ASAH2: variants seen among roughly 807,000 people sequenced by gnomAD.
ASAH2 encodes neutral ceramidase.
Under a neutral mutation model 82.9 loss-of-function variants are expected in ASAH2, and 58 were observed. The observed-to-expected ratio is 0.70, with a 90% CI of 0.57 to 0.87. The LOEUF (loss-of-function observed/expected upper bound fraction) is 0.87, where lower values mean the gene tolerates loss of function less well. ASAH2 is among the 40% of genes least tolerant of loss of function. ASAH2 has a pLI of 0.00. For synonymous variants in ASAH2, 276 were observed against 289.7 expected, an observed-to-expected ratio of 0.95 and a Z score of 0.48; for missense variants, 779 against 834.0, an observed-to-expected ratio of 0.93 and a Z score of 0.81.
At chr10:50,210,748 A>T (rs1845431044) in intron 12 of ASAH2, 75 bp downstream of exon 12, 1 of 1,249,248 alleles carries the variant, frequency 8.0e-7, no homozygotes, top group East Asian at 2.3e-5. Context: ...ATTGGCTACA[A>T]TGAAACCTGA....
chr10:50,211,221 A>G (rs1845446877), intron 10 of ASAH2, 87 bp from the exon 11 acceptor site: 5 of 1,010,478 alleles, frequency 4.9e-6, no homozygotes, highest in Non-Finnish European at 7.8e-6. Context: ...ATTTGATGCA[A>G]TTTGGAAATG....
At chr10:50,197,521 A>G (rs1489531163) in intron 17 of ASAH2, among the ~76,000 whole-genome samples, 1 of 151,998 alleles carries the variant, frequency 6.6e-6, no homozygotes, top group Non-Finnish European at 1.5e-5. Flanking sequence ...AGGTTGGTAC[A>G]AAAGTAATTG....
chr10:50,225,426 A>G (rs1845852735), intron 7 of ASAH2, among the ~76,000 whole-genome samples: 1 of 152,166 alleles, frequency 6.6e-6, no homozygotes, highest in African/African-American at 2.4e-5. Flanking sequence ...AAACAATAAA[A>G]ATTAAAAAAT....
intron 7 of ASAH2, among the ~76,000 whole-genome samples, chr10:50,227,282 CA>C (rs1439591316): frequency 6.6e-6 from 1 of 151,308 alleles, no homozygotes. Context: ...GACTTTAAGA[CA>C]AAAAAAACAC....
chr10:50,199,065 T>C lies in ASAH2; in HGVS notation c.1843A>G (p.Lys615Glu), dbSNP rs1294450537. The change falls in exon 17 of 21, where the codon AAG (lysine) becomes GAG (glutamate). Residue 615 changes from lysine to glutamate, a missense_variant. Lys to Glu is a moderately conservative substitution (Grantham distance 56). Transcript: ENST00000682911. ...TATTTGATTACCGTAGCAATAGCCT[T>C]AGCAAGGTTTCTGAAGAGCTGAATG... ...AYIQLFRNLA[K>E]AIATDTVANL... 21 of 1,613,150 alleles carry C rather than the reference T, an allele frequency of 1.3e-5. No individual in the cohort carries two copies. In the African/African-American group the frequency reaches 1.7e-4, roughly 13 times the overall value.
chr10:50,206,055 T>C lies in ASAH2; in HGVS notation c.1457A>G (p.Gln486Arg), dbSNP rs1845285718. The C allele has an allele frequency of 2.5e-6, 4 of 1,612,710 alleles. No homozygotes were observed. Among genetic ancestry groups the C allele is most frequent in the Non-Finnish European group, 3.4e-6 (4 of 1,178,912 alleles). Residue 486 changes from glutamine (Q) to arginine (R), a missense_variant, in exon 13 of 21, where the codon CAG (glutamine) becomes CGG (arginine). By Grantham distance (43) the Gln-to-Arg change is conservative. Coordinates refer to ENST00000682911, the MANE Select transcript of ASAH2 (RefSeq NM_019893.4). ...TTCTTCAGATGGCTTTCCCAGGATCTGGTCCCGAATGGTGTCCCAAAATGG... is the reference window on the plus strand; with the variant it reads ...TTCTTCAGATGGCTTTCCCAGGATCCGGTCCCGAATGGTGTCCCAAAATGG... ...GDPFWDTIRDQILGKPSEEIK... is the reference protein window; with the variant it reads ...GDPFWDTIRDRILGKPSEEIK...
rs1185857597 is a variant in ASAH2, at chr10:50,233,348, C to A, written c.816-87G>T. 3.5e-4 allele frequency: 322 copies of A among 916,494 alleles called. 4 individuals carry two copies. The Admixed American group carries it at 5.6e-3, about 16-fold the overall frequency. The allele number at this position is 916,494 out of a possible 1,614,324, so 56.8% of individuals were successfully genotyped here. ...TGAACAGTAGCAGCTGACACAAAAA[C>A]AAAAATGCCTCTCAGTAAGTGAGAT... On this transcript the variant is annotated intron_variant, in intron 6 of 20. Coordinates refer to ENST00000682911, the MANE Select transcript of ASAH2 (RefSeq NM_019893.4).
intron 2 of ASAH2, 82 bp from the exon 3 acceptor site, chr10:50,245,536 C>G: frequency 8.1e-7 from 1 of 1,240,542 alleles, no homozygotes; most frequent in Admixed American, 2.5e-5. Context: ...TATATAGGCT[C>G]AGGTTCATAA....
intron 2 of ASAH2, among the ~76,000 whole-genome samples, chr10:50,246,758 T>C (rs1846468374): frequency 1.3e-5 from 2 of 152,176 alleles, no homozygotes; most frequent in Non-Finnish European, 2.9e-5. Context: ...TGTCTTCTCA[T>C]TCCCAAGCCG....
At chr10:50,204,392 T>G (rs2133201938) in intron 14 of ASAH2, among the ~76,000 whole-genome samples, 1 of 151,792 alleles carries the variant, frequency 6.6e-6, no homozygotes, top group South Asian at 2.1e-4. Context: ...GCTGAAGAAT[T>G]TAAAGAGGAA....
chr10:50,228,444 G>A (rs1432355106), intron 7 of ASAH2, among the ~76,000 whole-genome samples: 6 of 152,118 alleles, frequency 3.9e-5, no homozygotes, highest in South Asian at 2.1e-4. Flanking sequence ...CAATTATTCT[G>A]TGTCAATTAA....
chr10:50,208,759 G>C (rs1166927779), intron 12 of ASAH2, among the ~76,000 whole-genome samples: 1 of 152,080 alleles, frequency 6.6e-6, no homozygotes, highest in Non-Finnish European at 1.5e-5. Context: ...TAAATTCAAT[G>C]ATATTCCCAT....
chr10:50,226,062 C>T (rs1476734618), intron 7 of ASAH2, among the ~76,000 whole-genome samples: 1 of 151,746 alleles, frequency 6.6e-6, no homozygotes, highest in Non-Finnish European at 1.5e-5. Flanking sequence ...CACTGCACTC[C>T]AGCCTGGGCA....
intron 9 of ASAH2, 61 bp from the exon 10 acceptor site, chr10:50,213,119 A>T: frequency 7.2e-7 from 1 of 1,393,464 alleles, no homozygotes; most frequent in Non-Finnish European, 1.0e-6. Context: ...TAAGGAATAA[A>T]GAATTATAAC....
intron 16 of ASAH2, among the ~76,000 whole-genome samples, chr10:50,202,141 C>T (rs1845165301): frequency 6.6e-6 from 1 of 152,060 alleles, no homozygotes; most frequent in Admixed American, 6.6e-5. Context: ...GGTAGCAGGG[C>T]AGAGTCTACT....
At chr10:50,231,303 A>G (rs1028632742) in intron 7 of ASAH2, among the ~76,000 whole-genome samples, 4 of 152,010 alleles carry the variant, frequency 2.6e-5, no homozygotes, top group Admixed American at 1.3e-4. Context: ...GACCTCACCC[A>G]CACTCTGGCC....
chr10:50,208,644 G>A (rs1845373522), intron 12 of ASAH2, among the ~76,000 whole-genome samples: 1 of 151,780 alleles, frequency 6.6e-6, no homozygotes, highest in Non-Finnish European at 1.5e-5. Context: ...ACAAAACATT[G>A]TTGAAAAAAA....
intron 18 of ASAH2, among the ~76,000 whole-genome samples, chr10:50,194,330 T>C (rs1844918312): frequency 6.6e-6 from 1 of 151,774 alleles, no homozygotes; most frequent in Admixed American, 6.6e-5. Context: ...ACGGCATTTA[T>C]TTAACATCTG....
At chr10:50,227,437 G>T (rs1437728957) in intron 7 of ASAH2, among the ~76,000 whole-genome samples, 1 of 152,170 alleles carries the variant, frequency 6.6e-6, no homozygotes, top group Non-Finnish European at 1.5e-5. Context: ...CACGTTTACA[G>T]AATGAGCTTT....
Sources: gnomAD v4.1 joint callset for allele counts (sites outside exome capture counted in the v4.1 genomes callset) on GRCh38, gnomAD v4.1.1 for gene constraint, MANE v1.5 for transcripts, NCBI Gene and HGNC (gene_info 2026-07-23, HGNC 2026-07-21) for gene names.